The following SLC67A1 variants were observed in gnomAD, a reference collection of about 807,000 sequenced individuals.
SLC67A1 encodes solute carrier family 67 member A1.
chr11:2,903,247 G>T, the SLC67A1 span: 1 of 1,536,348 alleles, frequency 6.5e-7, no homozygotes. Context: ...GGGACCCAGT[G>T]ACTCAGCACC....
the SLC67A1 span, among the ~76,000 whole-genome samples, chr11:2,924,635 C>T: frequency 5.9e-5 from 9 of 152,278 alleles, no homozygotes; most frequent in South Asian, 2.1e-4. The surrounding 1 kb of genome is among the most constrained non-coding windows in gnomAD (Gnocchi z 8.6). Context: ...GGGCCTTCTG[C>T]GGTGACCTGT....
the SLC67A1 span, chr11:2,908,211 C>A: frequency 6.3e-7 from 1 of 1,586,222 alleles, no homozygotes; most frequent in Non-Finnish European, 8.7e-7. Context: ...GCCCCTCCCC[C>A]GGGCTCCCTC....
chr11:2,909,902 T>A, the SLC67A1 span: 3 of 574,016 alleles, frequency 5.2e-6, no homozygotes, highest in East Asian at 1.0e-4. Context: ...TGGCCCTGGA[T>A]AGGGCCAGGT....
chr11:2,919,488 C>A, the SLC67A1 span: 956 of 1,032,334 alleles, frequency 9.3e-4, 2 homozygotes, highest in Non-Finnish European at 1.2e-3. Context: ...AGGCTCCTCC[C>A]CGGCGGAGGC....
At chr11:2,900,096 A>G in the SLC67A1 span, among the ~76,000 whole-genome samples, 18 of 138,168 alleles carry the variant, frequency 1.3e-4, no homozygotes, top group Admixed American at 1.1e-3. Flanking sequence ...CTTTCTGTGC[A>G]GTCCTTCCAG....
At chr11:2,908,921 G>A in the SLC67A1 span, among the ~76,000 whole-genome samples, 1 of 152,198 alleles carries the variant, frequency 6.6e-6, no homozygotes, top group Admixed American at 6.5e-5. Flanking sequence ...TTGGTCCCCT[G>A]GGATTCCACC....
chr11:2,909,701 C>CCGCGTA, the SLC67A1 span: 3 of 1,536,804 alleles, frequency 2.0e-6, no homozygotes, highest in Non-Finnish European at 2.6e-6. Flanking sequence ...ACCCTGGTCT[C>CCGCGTA]CGCGTACGGG....
At chr11:2,909,478 TG>T in the SLC67A1 span, 2 of 724,204 alleles carry the variant, frequency 2.8e-6, no homozygotes, top group East Asian at 1.5e-4. Flanking sequence ...TGGACGGGGG[TG>T]GGGGGCGACG....
the SLC67A1 span, chr11:2,902,754 G>A: frequency 1.0e-6 from 1 of 985,158 alleles, no homozygotes; most frequent in Non-Finnish European, 1.2e-6. Flanking sequence ...GGAAGGCTGA[G>A]CTATGTCTCC....
the SLC67A1 span, among the ~76,000 whole-genome samples, chr11:2,907,118 A>G: frequency 6.6e-6 from 1 of 151,244 alleles, no homozygotes. The surrounding 1 kb of genome is among the most constrained non-coding windows in gnomAD (Gnocchi z 6.7). Context: ...TGCCCTTGGG[A>G]CTGAAGTGCT....
chr11:2,908,159 C>T, the SLC67A1 span: 1 of 1,022,864 alleles, frequency 9.8e-7, no homozygotes, highest in Non-Finnish European at 1.5e-6. Flanking sequence ...CACCCCCTGC[C>T]CATCCAGGGA....
chr11:2,915,072 C>CG, the SLC67A1 span: 1 of 985,294 alleles, frequency 1.0e-6, no homozygotes, highest in Non-Finnish European at 1.2e-6. Context: ...GATGGATTGG[C>CG]GGGGGCAGCA....
the SLC67A1 span, among the ~76,000 whole-genome samples, chr11:2,903,998 G>A: frequency 2.6e-5 from 4 of 152,232 alleles, no homozygotes; most frequent in South Asian, 2.1e-4. Flanking sequence ...GAGATAGAAT[G>A]CTGTCTTATT....
chr11:2,909,536 C>T, the SLC67A1 span: 6 of 1,501,934 alleles, frequency 4.0e-6, no homozygotes, highest in African/African-American at 4.3e-5. Flanking sequence ...AAGGGCCCCA[C>T]CGAGGGGCTT....
the SLC67A1 span, among the ~76,000 whole-genome samples, chr11:2,910,956 G>A: frequency 1.2e-4 from 19 of 152,252 alleles, 1 homozygote; most frequent in African/African-American, 3.9e-4. Flanking sequence ...TGGATGGCTC[G>A]GAGCCCTGCG....
At chr11:2,903,460 T>A in the SLC67A1 span, 2 of 1,613,300 alleles carry the variant, frequency 1.2e-6, no homozygotes, top group Admixed American at 3.3e-5. Flanking sequence ...AGAACTTACC[T>A]GCCTCTTCAT....
chr11:2,911,025 C>T, the SLC67A1 span, among the ~76,000 whole-genome samples: 1 of 152,112 alleles, frequency 6.6e-6, no homozygotes, highest in East Asian at 1.9e-4. Context: ...TCCTGGGAGC[C>T]AAGGGCCACT....
the SLC67A1 span, among the ~76,000 whole-genome samples, chr11:2,923,825 C>T: frequency 8.5e-5 from 13 of 152,202 alleles, no homozygotes; most frequent in Non-Finnish European, 2.9e-5. The surrounding 1 kb of genome is among the most constrained non-coding windows in gnomAD (Gnocchi z 6.5). Context: ...CTGGTAGGAG[C>T]CAGCATCTGG....
the SLC67A1 span, chr11:2,916,424 C>T: frequency 1.9e-6 from 1 of 530,222 alleles, no homozygotes. Context: ...GGTGAGCGCC[C>T]CACCCATTCC....
Sources: gnomAD v4.1 joint callset for allele counts (sites outside exome capture counted in the v4.1 genomes callset) on GRCh38, gnomAD v4.1.1 for gene constraint, Gnocchi (gnomAD v3.1) non-coding constraint, MANE v1.5 for transcripts, NCBI Gene and HGNC (gene_info 2026-07-23, HGNC 2026-07-21) for gene names.